PAPPA: variants seen among roughly 807,000 people sequenced by gnomAD.
PAPPA encodes the protein pappalysin 1, also known as pappalysin-1.
A neutral mutation model predicts 164.0 loss-of-function variants in PAPPA; 60 were observed. The observed-to-expected ratio is 0.37, with a 90% confidence interval of 0.30 to 0.45. The LOEUF (loss-of-function observed/expected upper bound fraction) is 0.45. PAPPA is among the 20% of genes least tolerant of loss of function. PAPPA has a pLI of 1.00. For missense variants in PAPPA, 1,782 were observed against 2,087.3 expected (o/e 0.85, Z 2.85); for synonymous variants, 875 against 814.1 (o/e 1.07, Z -1.27).
At chr9:116,330,889 CT>C (rs1845982534) in intron 10 of PAPPA, among the ~76,000 whole-genome samples, 1 of 152,108 alleles carries the variant, frequency 6.6e-6, no homozygotes, top group Admixed American at 6.5e-5. Context: ...TGGGTTTCTG[CT>C]TTCCTCTGAG....
intron 7 of PAPPA, among the ~76,000 whole-genome samples, chr9:116,262,496 G>A (rs568947323): frequency 5.3e-5 from 8 of 152,270 alleles, no homozygotes; most frequent in African/African-American, 1.9e-4. Flanking sequence ...TGCTGTCGCT[G>A]CACTAAATGA....
At chr9:116,331,478 G>A (rs72754266) in intron 11 of PAPPA, 121 bp downstream of exon 11, 43,513 of 652,082 alleles carry the variant, frequency 0.067, 1,861 homozygotes, top group Non-Finnish European at 0.073. Context: ...GTAAGAACAG[G>A]GAACAAAACA....
intron 7 of PAPPA, among the ~76,000 whole-genome samples, chr9:116,258,018 A>G (rs1052026443): frequency 1.3e-5 from 2 of 152,052 alleles, no homozygotes; most frequent in Non-Finnish European, 2.9e-5. Context: ...ATATATTGCT[A>G]ATAAAAAATC....
intron 6 of PAPPA, among the ~76,000 whole-genome samples, chr9:116,232,901 G>C (rs151163308): frequency 0.014 from 2,202 of 152,302 alleles, 25 homozygotes; most frequent in Middle Eastern, 0.031. Flanking sequence ...CAAGAAACTA[G>C]GGAGGAAGGA....
intron 19 of PAPPA, among the ~76,000 whole-genome samples, chr9:116,377,188 A>ACAC (rs1199048877): frequency 6.6e-6 from 1 of 151,180 alleles, no homozygotes; most frequent in Non-Finnish European, 1.5e-5. Flanking sequence ...ATACACACAC[A>ACAC]CACATGCAAA....
At chr9:116,384,648 A>AAAT (rs1305140590) in intron 21 of PAPPA, among the ~76,000 whole-genome samples, 2 of 152,132 alleles carry the variant, frequency 1.3e-5, no homozygotes. Flanking sequence ...TTTGCACATA[A>AAAT]AATACTTTTA....
At chr9:116,284,067 T>C (rs1442839546) in intron 9 of PAPPA, among the ~76,000 whole-genome samples, 2 of 152,246 alleles carry the variant, frequency 1.3e-5, no homozygotes, top group East Asian at 3.8e-4. Flanking sequence ...CTTTTATTTA[T>C]TGAGCACCTC....
At chr9:116,328,242 C>T (rs1845944859) in intron 10 of PAPPA, among the ~76,000 whole-genome samples, 1 of 152,174 alleles carries the variant, frequency 6.6e-6, no homozygotes, top group Non-Finnish European at 1.5e-5. Context: ...GAATTGCTGG[C>T]CTGGATTTCA....
In PAPPA at chr9:116,154,043, A is replaced by ATTTT. The variant is rs1843565927; in HGVS notation, c.-130_-129insTTTT. 8.9e-7 allele frequency: 1 copy of ATTTT among 1,121,250 alleles called. No individual in the cohort carries two copies. The highest frequency in any genetic ancestry group is 1.1e-6 in the Non-Finnish European group (1 of 903,584). 69.5% of individuals were successfully genotyped at this position (1,121,250 alleles called of 1,614,324 possible). On this transcript the variant is annotated 5_prime_UTR_variant, in exon 1 of 22. Coordinates refer to ENST00000328252, the MANE Select transcript of PAPPA (RefSeq NM_002581.5). The surrounding 1 kb of genome is among the most constrained non-coding windows in gnomAD (Gnocchi z 5.2). The stretch of plus-strand genomic sequence containing the variant: ...AGGAAAGCGAGAAAGAAAAGAAAAA[A>ATTTT]GCAAGTGGAAAGGGGGGCTCGCCCA...
Position 116,166,577 on chromosome 9 carries a change from C to T in PAPPA, c.415+11990C>T, listed in dbSNP as rs542460000. Reference sequence around the variant, plus strand: ...ACCTCAGGATCTGGAATTCTCTATCCGCTGTTTATATACCCCTAGGAGAGA... The same window carrying T: ...ACCTCAGGATCTGGAATTCTCTATCTGCTGTTTATATACCCCTAGGAGAGA... On this transcript the variant is annotated intron_variant, in intron 1 of 21. Transcript: ENST00000328252. 6.6e-5 allele frequency among the ~76,000 whole-genome samples: 10 copies of T among 152,188 alleles called. No homozygotes were observed. The East Asian group carries it at 9.7e-4, about 15-fold the overall frequency.
intron 1 of PAPPA, among the ~76,000 whole-genome samples, chr9:116,156,912 C>T (rs1053489506): frequency 6.6e-6 from 1 of 152,228 alleles, no homozygotes; most frequent in African/African-American, 2.4e-5. Flanking sequence ...GGATCGGGTG[C>T]GAAGGCTCAC....
intron 6 of PAPPA, among the ~76,000 whole-genome samples, chr9:116,233,454 C>T (rs775906842): frequency 4.6e-5 from 7 of 152,214 alleles, no homozygotes; most frequent in Non-Finnish European, 7.3e-5. Context: ...GGGAGTCCTA[C>T]TTGTGTTTTA....
In PAPPA at chr9:116,335,022, G is replaced by T. The variant is rs747517327; in HGVS notation, c.3559G>T (p.Val1187Phe). Residue 1187 changes from valine to phenylalanine, a missense_variant, in exon 13 of 22, where the codon GTC becomes TTC. Coordinates refer to ENST00000328252, the MANE Select transcript of PAPPA (RefSeq NM_002581.5). ...ALRSFDNFDP[V>F]TLSSCQRGET... ...CCGTTCCTTCGACAACTTTGACCCC[G>T]TCACCCTGAGCAGCTGCCAGAGAGG... 6.2e-7 allele frequency: 1 copy of T among 1,613,582 alleles called. No individual in the cohort carries two copies. Among genetic ancestry groups the T allele is most frequent in the Non-Finnish European group, 8.5e-7 (1 of 1,179,972 alleles).
chr9:116,358,005 C>A (rs755318210), intron 17 of PAPPA, among the ~76,000 whole-genome samples: 2 of 151,168 alleles, frequency 1.3e-5, no homozygotes, highest in African/African-American at 4.9e-5. Context: ...GTGAGCCCTG[C>A]CATGGACAAG....
intron 13 of PAPPA, among the ~76,000 whole-genome samples, chr9:116,338,139 C>T (rs1846085277): frequency 6.6e-6 from 1 of 152,114 alleles, no homozygotes; most frequent in Non-Finnish European, 1.5e-5. Flanking sequence ...AGAAATTGAA[C>T]AGTTTATTAT....
At chr9:116,324,028 C>G (rs1220237465) in intron 10 of PAPPA, among the ~76,000 whole-genome samples, 1 of 152,198 alleles carries the variant, frequency 6.6e-6, no homozygotes, top group African/African-American at 2.4e-5. Context: ...GTTGAAGCAG[C>G]TTCTATTTCA....
chr9:116,202,752 A>G (rs567254005), intron 2 of PAPPA, among the ~76,000 whole-genome samples: 85 of 152,260 alleles, frequency 5.6e-4, no homozygotes, highest in Non-Finnish European at 9.7e-4. Flanking sequence ...TTATGGTCAC[A>G]TATTTTTGGG....
chr9:116,208,372 C>CT (rs11356029), intron 3 of PAPPA, among the ~76,000 whole-genome samples: 1 of 152,020 alleles, frequency 6.6e-6, no homozygotes, highest in South Asian at 2.1e-4. Context: ...ATGCTATCTA[C>CT]TTTTTTTTCC....
chr9:116,231,665 GGATGGATGGATGGA>G (rs1844594201), intron 6 of PAPPA, among the ~76,000 whole-genome samples: 1 of 196 alleles, frequency 5.1e-3, no homozygotes, highest in African/African-American at 0.024. Flanking sequence ...ATGGGCGGAT[GGATGGATGGATGGA>G]TGGATGGATG....
Sources: gnomAD v4.1 joint callset for allele counts (sites outside exome capture counted in the v4.1 genomes callset) on GRCh38, gnomAD v4.1.1 for gene constraint, Gnocchi (gnomAD v3.1) non-coding constraint, MANE v1.5 for transcripts, NCBI Gene and HGNC (gene_info 2026-07-23, HGNC 2026-07-21) for gene names.